Variants in KCNMA1 observed in about 807,000 individuals in gnomAD.
KCNMA1 encodes the protein Calcium-activated potassium channel subunit alpha-1.
KCNMA1 carries 29 observed loss-of-function variants against 140.0 expected under a neutral mutation model. The ratio of observed to expected loss-of-function variants is 0.21; its 90% CI spans 0.15 to 0.28. The LOEUF is 0.28. Ranked by LOEUF, KCNMA1 falls within the 10% of genes least tolerant of loss-of-function variation. KCNMA1 has a pLI of 1.00. For missense variants in KCNMA1, 880 were observed against 1,602.2 expected, an observed-to-expected ratio of 0.55 and a Z score of 7.70; for synonymous variants, 612 against 611.9, an observed-to-expected ratio of 1.00 and a Z score of 0.00.
chr10:77,282,312 T>C (rs1010017382), intron 2 of KCNMA1, among the ~76,000 whole-genome samples: 1 of 152,154 alleles, frequency 6.6e-6, no homozygotes, highest in Non-Finnish European at 1.5e-5. Context: ...CTTTCCTCCA[T>C]GACTCAGGTG....
intron 1 of KCNMA1, among the ~76,000 whole-genome samples, chr10:77,510,112 T>C (rs1168523423): frequency 6.6e-6 from 1 of 152,036 alleles, no homozygotes; most frequent in Admixed American, 6.6e-5. Context: ...GAAAAGAGAT[T>C]TGGGGATTCA....
At chr10:77,407,225 G>A (rs1012704894) in intron 1 of KCNMA1, among the ~76,000 whole-genome samples, 5 of 152,186 alleles carry the variant, frequency 3.3e-5, no homozygotes, top group Admixed American at 6.5e-5. Context: ...AAAGCCTGAT[G>A]CCAGCCGGCC....
chr10:77,401,174 A>G (rs1327486099), intron 2 of KCNMA1, among the ~76,000 whole-genome samples: 5 of 148,904 alleles, frequency 3.4e-5, no homozygotes, highest in Non-Finnish European at 7.4e-5. Context: ...TTTGAGACGG[A>G]GTCTTGCTCT....
chr10:77,131,243 CCAGA>C (rs1322931201), intron 5 of KCNMA1, among the ~76,000 whole-genome samples: 1 of 152,152 alleles, frequency 6.6e-6, no homozygotes, highest in Non-Finnish European at 1.5e-5. Flanking sequence ...TCAGTACTCC[CCAGA>C]CAAACTGCAA....
intron 1 of KCNMA1, among the ~76,000 whole-genome samples, chr10:77,594,687 T>C (rs1189184304): frequency 2.0e-5 from 3 of 152,202 alleles, no homozygotes; most frequent in Non-Finnish European, 4.4e-5. Context: ...AGACCATGGT[T>C]CACCAAGCAC....
intron 3 of KCNMA1, chr10:77,217,336 T>A: frequency 2.6e-5 from 7 of 269,494 alleles, no homozygotes; most frequent in East Asian, 1.0e-4. Flanking sequence ...AAAAAAAAAC[T>A]AAATTTTTTT....
chr10:77,251,183 T>G lies in KCNMA1; in HGVS notation c.602+12A>C. Reference sequence around the variant, plus strand: ...ATGAAACGAGGGCAAGAAAGTATATTTGAATACTCACTTTGATGAATCTAT... The same window carrying G: ...ATGAAACGAGGGCAAGAAAGTATATGTGAATACTCACTTTGATGAATCTAT... On this transcript the variant is annotated intron_variant, in intron 3 of 27. Coordinates refer to ENST00000286628, the MANE Select transcript of KCNMA1 (RefSeq NM_001161352.2). 1 of 1,591,346 alleles carries G rather than the reference T, an allele frequency of 6.3e-7. No individual in the cohort carries two copies. Among genetic ancestry groups the G allele is most frequent in the Non-Finnish European group, 8.6e-7 (1 of 1,159,464 alleles).
chr10:77,395,210 C>A (rs995498817), intron 2 of KCNMA1, among the ~76,000 whole-genome samples: 15 of 152,058 alleles, frequency 9.9e-5, no homozygotes, highest in African/African-American at 2.9e-4. Flanking sequence ...CATAGCATGT[C>A]ATGGTGGCCT....
chr10:77,579,919 G>A (rs773145250), intron 1 of KCNMA1, among the ~76,000 whole-genome samples: 3 of 152,154 alleles, frequency 2.0e-5, no homozygotes, highest in Non-Finnish European at 4.4e-5. Context: ...TGAATTGAAT[G>A]CCAAATTTGA....
chr10:77,519,894 A>T (rs949963130), intron 1 of KCNMA1, among the ~76,000 whole-genome samples: 7 of 149,942 alleles, frequency 4.7e-5, no homozygotes, highest in Admixed American at 2.7e-4. Context: ...TGCAGTATGC[A>T]GTGCAGTGTG....
chr10:77,471,844 T>C (rs111171721), intron 1 of KCNMA1, among the ~76,000 whole-genome samples: 29,316 of 151,526 alleles, frequency 0.19, 2,876 homozygotes, highest in Middle Eastern at 0.24. Context: ...ACACAACGCA[T>C]GTACACACTA....
At chr10:77,381,448 G>A (rs2095381353) in intron 2 of KCNMA1, among the ~76,000 whole-genome samples, 2 of 152,128 alleles carry the variant, frequency 1.3e-5, no homozygotes, top group Non-Finnish European at 2.9e-5. Context: ...AACTTGCGGT[G>A]TAAACATGAA....
intron 14 of KCNMA1, among the ~76,000 whole-genome samples, chr10:77,059,842 T>C (rs1027041528): frequency 1.4e-4 from 22 of 152,260 alleles, no homozygotes; most frequent in African/African-American, 5.3e-4. Context: ...TTCAATATTC[T>C]GCAAGAAGTG....
At chr10:77,023,461 C>T (rs548209050) in intron 16 of KCNMA1, among the ~76,000 whole-genome samples, 3 of 152,192 alleles carry the variant, frequency 2.0e-5, no homozygotes, top group African/African-American at 2.4e-5. Context: ...TGCTTGATAA[C>T]GTAGTAATTA....
intron 2 of KCNMA1, among the ~76,000 whole-genome samples, chr10:77,282,999 G>T (rs1257713148): frequency 6.6e-6 from 1 of 152,214 alleles, no homozygotes; most frequent in African/African-American, 2.4e-5. Context: ...TTTTGAGTCA[G>T]ACCAGTGAAG....
intron 5 of KCNMA1, among the ~76,000 whole-genome samples, chr10:77,127,652 G>T (rs1314609355): frequency 2.9e-5 from 1 of 34,700 alleles, no homozygotes; most frequent in Admixed American, 4.2e-4. Flanking sequence ...GAAGGCAGGA[G>T]GGGAAAGGGA....
intron 5 of KCNMA1, among the ~76,000 whole-genome samples, chr10:77,123,072 C>A (rs186980097): frequency 6.7e-6 from 1 of 148,692 alleles, no homozygotes; most frequent in South Asian, 2.2e-4. Context: ...CCCAGCTACG[C>A]GGGAGGCTGA....
chr10:77,304,675 G>A (rs1024288403), intron 2 of KCNMA1: 2 of 152,204 alleles, frequency 1.3e-5, no homozygotes, highest in Non-Finnish European at 2.9e-5. Context: ...CCTGATCTTG[G>A]TCGTTCGAAG....
intron 17 of KCNMA1, 88 bp downstream of exon 17, chr10:77,018,925 T>C: frequency 1.3e-6 from 1 of 768,208 alleles, no homozygotes; most frequent in Non-Finnish European, 2.4e-6. Flanking sequence ...GTTAAGGAGT[T>C]TTGGGGTTAT....
Sources: gnomAD v4.1 joint callset for allele counts (sites outside exome capture counted in the v4.1 genomes callset) on GRCh38, gnomAD v4.1.1 for gene constraint, MANE v1.5 for transcripts, NCBI Gene and HGNC (gene_info 2026-07-23, HGNC 2026-07-21) for gene names.